UGT1A8: variants seen among roughly 807,000 people sequenced by gnomAD.
UGT1A8 encodes UDP glucuronosyltransferase family 1 member A8.
UGT1A8 carries 39 observed loss-of-function variants against 45.3 expected under a neutral mutation model. The observed-to-expected ratio is 0.86, with a 90% confidence interval of 0.67 to 1.12. UGT1A8 has a LOEUF of 1.12. Among genes scored for constraint, UGT1A8 ranks in the 50% most tolerant of loss-of-function variants. The pLI is 0.00. For synonymous variants in UGT1A8, 275 were observed against 249.2 expected (o/e 1.10, Z -0.97); for missense variants, 719 against 664.9 (o/e 1.08, Z -0.90).
intron 1 of UGT1A8, chr2:233,719,510 T>G: frequency 6.2e-7 from 1 of 1,614,000 alleles, no homozygotes. Flanking sequence ...TTTCTGCCCC[T>G]TATGCAAGTC....
intron 1 of UGT1A8, chr2:233,713,496 G>A: frequency 3.1e-6 from 5 of 1,613,972 alleles, no homozygotes; most frequent in South Asian, 1.1e-5. Context: ...GTCGATTCCT[G>A]CTGTGTTTTT....
At position 233,672,062 on chromosome 2, in the gene UGT1A8, C is replaced by T. The variant is rs144147859; in HGVS notation, c.855+53500C>T. ...GGGAGCCACTGGTTCACCATGAGGT[C>T]GGTGGTGGAGAAACTCATTCTCAGG... is the stretch of plus-strand genomic sequence containing the variant. On this transcript the variant is annotated intron_variant, in intron 1 of 4. Coordinates refer to ENST00000373450, the MANE Select transcript of UGT1A8 (RefSeq NM_019076.5). The T allele has an allele frequency of 2.6e-5, 42 of 1,613,896 alleles. No homozygotes were observed. The highest frequency in any genetic ancestry group is 2.1e-4 in the African/African-American group (16 of 74,882).
chr2:233,619,347 A>T (rs1351590621), intron 1 of UGT1A8, among the ~76,000 whole-genome samples: 7 of 152,274 alleles, frequency 4.6e-5, no homozygotes, highest in Non-Finnish European at 5.9e-5. Flanking sequence ...ATATTGATAT[A>T]TGTTTAGGCA....
chr2:233,725,805 C>A (rs2077476454), intron 1 of UGT1A8, among the ~76,000 whole-genome samples: 1 of 152,220 alleles, frequency 6.6e-6, no homozygotes, highest in Non-Finnish European at 1.5e-5. Context: ...TCCTTAAAAT[C>A]CATTTTATTG....
At chr2:233,701,304 C>T (rs2075621938) in intron 1 of UGT1A8, among the ~76,000 whole-genome samples, 1 of 152,082 alleles carries the variant, frequency 6.6e-6, no homozygotes, top group African/African-American at 2.4e-5. Context: ...CACTGTCTTC[C>T]ACAATGGTTG....
intron 1 of UGT1A8, among the ~76,000 whole-genome samples, chr2:233,714,855 A>G (rs1055272801): frequency 1.3e-5 from 2 of 152,158 alleles, no homozygotes; most frequent in Non-Finnish European, 2.9e-5. Context: ...TATTCCATGG[A>G]TAAAACTAAA....
chr2:233,620,252 G>A (rs2125447719), intron 1 of UGT1A8, among the ~76,000 whole-genome samples: 1 of 152,322 alleles, frequency 6.6e-6, no homozygotes, highest in South Asian at 2.1e-4. Context: ...TCAGCTCACG[G>A]CAAGATCAGG....
chr2:233,646,223 G>A (rs1302389009), intron 1 of UGT1A8, among the ~76,000 whole-genome samples: 5 of 152,172 alleles, frequency 3.3e-5, no homozygotes, highest in African/African-American at 1.2e-4. Context: ...ACAGCAGGGG[G>A]CCCTGGGCCT....
Position 233,638,026 on chromosome 2 carries a change from T to G in UGT1A8, c.855+19464T>G, listed in dbSNP as rs376465595. ...TTTGTGAATAAGGCTGTGTAAACAC[T>G]CTTCAATACTTTCCTTGCGTGAATA... is the stretch of plus-strand genomic sequence containing the variant. On this transcript the variant is annotated intron_variant, in intron 1 of 4. Transcript: ENST00000373450. Among the ~76,000 whole-genome samples the G allele has an allele frequency of 6.4e-4, 98 of 152,306 alleles. 1 individual carries two copies. The South Asian group carries it at 0.02, about 31-fold the overall frequency.
chr2:233,692,938 C>A (rs770236705), intron 1 of UGT1A8: 46 of 1,592,260 alleles, frequency 2.9e-5, no homozygotes, highest in Non-Finnish European at 3.6e-5. Context: ...AGGGAAAATA[C>A]CTAGGAGCCC....
Position 233,618,392 on chromosome 2 carries a change from G to T in UGT1A8, c.685G>T (p.Glu229Ter). 1.2e-6 allele frequency: 2 copies of T among 1,613,878 alleles called. No individual in the cohort carries two copies. The highest frequency in any genetic ancestry group is 1.7e-6 in the Non-Finnish European group (2 of 1,179,842). ...CCAGTATTTTTCCAAAAATGCCCTAGAAATAGCCTCTGAAATTCTCCAAAC... is the reference window on the plus strand; with the variant it reads ...CCAGTATTTTTCCAAAAATGCCCTATAAATAGCCTCTGAAATTCTCCAAAC... ...FCQYFSKNAL[E>*]IASEILQTPV... is the part of the protein sequence containing the mutation. Residue 229 changes from glutamate to a stop codon, truncating the protein, a stop_gained, in exon 1 of 5, where the codon GAA becomes TAA. Coordinates refer to ENST00000373450, the MANE Select transcript of UGT1A8 (RefSeq NM_019076.5). LOFTEE classifies it high-confidence loss of function.
At chr2:233,733,976 G>A (rs1421347211) in intron 1 of UGT1A8, among the ~76,000 whole-genome samples, 2 of 152,086 alleles carry the variant, frequency 1.3e-5, no homozygotes, top group Non-Finnish European at 2.9e-5. Context: ...GGAGCGGGGA[G>A]GGATAGCATT....
chr2:233,670,258 A>T (rs1052711953), intron 1 of UGT1A8, among the ~76,000 whole-genome samples: 30 of 152,304 alleles, frequency 2.0e-4, no homozygotes, highest in African/African-American at 6.5e-4. Flanking sequence ...AAGGAGGAAG[A>T]GGTGGGTTGG....
intron 1 of UGT1A8, chr2:233,760,742 C>A (rs760143782): frequency 6.2e-7 from 1 of 1,614,166 alleles, no homozygotes; most frequent in Non-Finnish European, 8.5e-7. Flanking sequence ...CTGACGGACC[C>A]TTTCCTTCCT....
At chr2:233,699,828 A>C (rs1331199785) in intron 1 of UGT1A8, among the ~76,000 whole-genome samples, 1 of 152,230 alleles carries the variant, frequency 6.6e-6, no homozygotes, top group Non-Finnish European at 1.5e-5. Context: ...GTTCTCAAAT[A>C]GAACTAATTT....
Position 233,743,740 on chromosome 2 carries a change from G to C in UGT1A8, c.856-23294G>C, listed in dbSNP as rs370997418. The C allele has an allele frequency of 1.2e-4, 170 of 1,367,378 alleles. 1 individual carries two copies. The highest frequency in any genetic ancestry group is 2.3e-4 in the South Asian group (20 of 88,054). The allele number at this position is 1,367,378 out of a possible 1,614,324, so 84.7% of individuals were successfully genotyped here. ...AGCGGTCATAGATATCGCGTTTCTTGGCGTCCGACAACACCTCGTAGGCCT... is the reference window on the plus strand; with the variant it reads ...AGCGGTCATAGATATCGCGTTTCTTCGCGTCCGACAACACCTCGTAGGCCT... On this transcript the variant is annotated intron_variant, in intron 1 of 4. Coordinates refer to ENST00000373450, the MANE Select transcript of UGT1A8 (RefSeq NM_019076.5).
intron 1 of UGT1A8, among the ~76,000 whole-genome samples, chr2:233,683,392 G>C (rs1575431032): frequency 6.6e-6 from 1 of 152,140 alleles, no homozygotes; most frequent in East Asian, 1.9e-4. Context: ...AAGATTGATA[G>C]AGATTTAAGT....
chr2:233,765,074 T>C (rs1191317330), intron 1 of UGT1A8, among the ~76,000 whole-genome samples: 1 of 152,100 alleles, frequency 6.6e-6, no homozygotes, highest in African/African-American at 2.4e-5. Context: ...GTCTCCTGTG[T>C]CTCACATCTA....
Position 233,769,516 on chromosome 2 carries a change from G to C in UGT1A8, c.1295+1077G>C. 1 of 1,612,814 alleles carries C rather than the reference G, an allele frequency of 6.2e-7. No individual in the cohort carries two copies. Reference sequence around the variant, plus strand: ...GAGAGTGTCCATTGCTTTCTCCCATGGTTACCTCCTTTAGAAAGAAGCAGC... The same window carrying C: ...GAGAGTGTCCATTGCTTTCTCCCATCGTTACCTCCTTTAGAAAGAAGCAGC... On this transcript the variant is annotated intron_variant, in intron 4 of 4. Coordinates refer to ENST00000373450, the MANE Select transcript of UGT1A8 (RefSeq NM_019076.5). The surrounding 1 kb of genome is among the most constrained non-coding windows in gnomAD (Gnocchi z 4.4).
Sources: allele counts gnomAD v4.1 joint callset (sites outside exome capture counted in the v4.1 genomes callset), GRCh38; gene constraint gnomAD v4.1.1; non-coding constraint Gnocchi (gnomAD v3.1); transcripts MANE v1.5; gene names NCBI Gene and HGNC (gene_info 2026-07-23, HGNC 2026-07-21).